The following SHROOM3 variants were observed in gnomAD, a reference collection of about 807,000 sequenced individuals.
SHROOM3 encodes protein Shroom3.
SHROOM3 carries 47 observed loss-of-function variants against 138.6 expected under a neutral mutation model. The observed-to-expected ratio is 0.34, with a 90% CI of 0.27 to 0.43. The LOEUF is 0.43. Among genes scored for constraint, SHROOM3 ranks in the 20% least tolerant of loss-of-function variants. SHROOM3 has a pLI of 1.00. For missense variants in SHROOM3, 2,491 were observed against 2,596.5 expected (o/e 0.96, Z 0.88); for synonymous variants, 1,062 against 1,063.3 (o/e 1.00, Z 0.02).
chr4:76,755,006 T>C lies in SHROOM3; in HGVS notation c.4523T>C (p.Val1508Ala). ...PPPHEDYEDE[V>A]FVRDPHPKAT... ...CCTCATGAGGATTATGAAGACGAAGTGTTTGTGAGGGATCCGCACCCCAAG... is the reference window on the plus strand; with the variant it reads ...CCTCATGAGGATTATGAAGACGAAGCGTTTGTGAGGGATCCGCACCCCAAG... Residue 1508 changes from valine (V) to alanine (A), a missense_variant, in exon 7 of 11, where the codon GTG (valine) becomes GCG (alanine). This residue lies in a region of SHROOM3 where 1,733 missense variants were observed against 1,661.6 expected (regional missense o/e 1.04). Transcript: ENST00000296043. 1.2e-6 allele frequency: 2 copies of C among 1,611,504 alleles called. No homozygotes were observed. Among genetic ancestry groups the C allele is most frequent in the Non-Finnish European group, 1.7e-6 (2 of 1,178,020 alleles).
At chr4:76,633,989 T>G (rs1264198695) in intron 2 of SHROOM3, among the ~76,000 whole-genome samples, 1 of 152,194 alleles carries the variant, frequency 6.6e-6, no homozygotes. Flanking sequence ...AATTTTATCC[T>G]GGAGAACCCT....
intron 1 of SHROOM3, among the ~76,000 whole-genome samples, chr4:76,534,117 G>A (rs1732889882): frequency 6.6e-6 from 1 of 152,202 alleles, no homozygotes; most frequent in Non-Finnish European, 1.5e-5. Context: ...GTATGCAGTA[G>A]GCATGCCATG....
chr4:76,554,673 G>A (rs1733442421), intron 1 of SHROOM3, among the ~76,000 whole-genome samples: 1 of 152,094 alleles, frequency 6.6e-6, no homozygotes, highest in Admixed American at 6.5e-5. Context: ...GCCAGCCTTA[G>A]CTTCCCAAAG....
chr4:76,586,186 G>A (rs3796495), intron 2 of SHROOM3: 115,912 of 933,518 alleles, frequency 0.12, 7,746 homozygotes, highest in Non-Finnish European at 0.13. Flanking sequence ...GCGATTGGCC[G>A]GGAGGAGGCA....
intron 6 of SHROOM3, among the ~76,000 whole-genome samples, chr4:76,752,377 C>G (rs1721652866): frequency 6.6e-6 from 1 of 151,968 alleles, no homozygotes; most frequent in Non-Finnish European, 1.5e-5. Context: ...ATCTGTTTCA[C>G]AACAGTGTGA....
intron 1 of SHROOM3, among the ~76,000 whole-genome samples, chr4:76,525,415 G>A (rs1732669272): frequency 6.6e-6 from 1 of 152,092 alleles, no homozygotes; most frequent in South Asian, 2.1e-4. Flanking sequence ...TGACACATGG[G>A]GATTATGGGG....
intron 3 of SHROOM3, among the ~76,000 whole-genome samples, chr4:76,719,810 A>T (rs1273696603): frequency 6.6e-6 from 1 of 152,216 alleles, no homozygotes; most frequent in South Asian, 2.1e-4. Context: ...GGGAGGAGAT[A>T]ACTAGTAGTG....
At chr4:76,579,900 C>T (rs564767514) in intron 2 of SHROOM3, among the ~76,000 whole-genome samples, 53 of 152,286 alleles carry the variant, frequency 3.5e-4, no homozygotes, top group Admixed American at 1.2e-3. Flanking sequence ...TTGATCTCTC[C>T]AGTCCACGGC....
chr4:76,740,710 A>G lies in SHROOM3; in HGVS notation c.2537A>G (p.Gln846Arg). ...GCTGAACCCCTAGGCAACGGGGAGC[A>G]GCACTTCAAAAACGGGGAGCTGAAG... ...ESAEPLGNGE[Q>R]HFKNGELKLE... Residue 846 changes from glutamine to arginine, a missense_variant, in exon 5 of 11, where the codon CAG becomes CGG. Coordinates refer to ENST00000296043, the MANE Select transcript of SHROOM3 (RefSeq NM_020859.4). The surrounding 1 kb of genome is among the most constrained non-coding windows in gnomAD (Gnocchi z 4.0). 1 of 1,613,770 alleles carries G rather than the reference A, an allele frequency of 6.2e-7. No homozygotes were observed.
intron 1 of SHROOM3, among the ~76,000 whole-genome samples, chr4:76,445,597 T>C (rs578237216): frequency 2.6e-5 from 4 of 152,240 alleles, no homozygotes; most frequent in South Asian, 4.1e-4. Flanking sequence ...GTCAGTGTTA[T>C]TGGAGTACAG....
chr4:76,627,307 C>A (rs1426587307), intron 2 of SHROOM3, among the ~76,000 whole-genome samples: 2 of 152,154 alleles, frequency 1.3e-5, no homozygotes, highest in Admixed American at 6.5e-5. Context: ...ACTTGTGTCC[C>A]AAGTCAGACC....
At chr4:76,485,149 C>T (rs117777887) in intron 1 of SHROOM3, among the ~76,000 whole-genome samples, 1 of 152,342 alleles carries the variant, frequency 6.6e-6, no homozygotes, top group East Asian at 1.9e-4. Flanking sequence ...TAGGGGTCAA[C>T]TGTCCCTTGC....
chr4:76,708,384 CAAA>C (rs3045221), intron 2 of SHROOM3, among the ~76,000 whole-genome samples: 18 of 128,916 alleles, frequency 1.4e-4, no homozygotes, highest in East Asian at 2.2e-4. Flanking sequence ...AGACATTGTG[CAAA>C]AAAAAAAAAA....
At chr4:76,473,230 A>G (rs1016520340) in intron 1 of SHROOM3, among the ~76,000 whole-genome samples, 2 of 152,258 alleles carry the variant, frequency 1.3e-5, no homozygotes, top group African/African-American at 4.8e-5. Context: ...TAAAAATATA[A>G]CCTATAGAAT....
chr4:76,736,826 T>C (rs982916509), intron 4 of SHROOM3, among the ~76,000 whole-genome samples: 1 of 152,106 alleles, frequency 6.6e-6, no homozygotes, highest in African/African-American at 2.4e-5. Context: ...AGATTTCCCA[T>C]ATAGTCCCTG....
chr4:76,756,932 C>T lies in SHROOM3; in HGVS notation c.5193C>T (p.Gly1731=). 1 of 1,613,902 alleles carries T rather than the reference C, an allele frequency of 6.2e-7. No individual in the cohort carries two copies. Among genetic ancestry groups the T allele is most frequent in the Non-Finnish European group, 8.5e-7 (1 of 1,180,022 alleles). Residue 1731 remains glycine (G), a synonymous_variant, in exon 8 of 11, where the codon GGC becomes GGT. Coordinates refer to ENST00000296043, the MANE Select transcript of SHROOM3 (RefSeq NM_020859.4). ...QRTVSSSGCE[G]KRNEDKEAVS... is the part of the protein sequence containing the mutation. Reference sequence around the variant, plus strand: ...CTGTCAGCTCTTCAGGATGTGAAGGCAAGAGGTAAGTCCCTGGTGATGTCC... The same window carrying T: ...CTGTCAGCTCTTCAGGATGTGAAGGTAAGAGGTAAGTCCCTGGTGATGTCC...
intron 10 of SHROOM3, among the ~76,000 whole-genome samples, chr4:76,772,899 G>C (rs1390021970): frequency 2.0e-5 from 3 of 152,176 alleles, no homozygotes; most frequent in Non-Finnish European, 2.9e-5. Context: ...ACTTCACGCA[G>C]TGACACATGA....
At chr4:76,453,287 T>C (rs1730962393) in intron 1 of SHROOM3, among the ~76,000 whole-genome samples, 3 of 151,818 alleles carry the variant, frequency 2.0e-5, no homozygotes, top group African/African-American at 7.3e-5. Flanking sequence ...TTTTCTTCTT[T>C]TTTTTTTAAG....
At chr4:76,651,902 G>T (rs1263173853) in intron 2 of SHROOM3, among the ~76,000 whole-genome samples, 1 of 152,124 alleles carries the variant, frequency 6.6e-6, no homozygotes, top group African/African-American at 2.4e-5. Context: ...CAGCTTTACT[G>T]CCCCTGCACT....
Sources: allele counts gnomAD v4.1 joint callset (sites outside exome capture counted in the v4.1 genomes callset), GRCh38; gene constraint gnomAD v4.1.1; regional missense constraint gnomAD v4.1.1; non-coding constraint Gnocchi (gnomAD v3.1); transcripts MANE v1.5; gene names NCBI Gene and HGNC (gene_info 2026-07-23, HGNC 2026-07-21).